The following EPHB1 variants were observed in gnomAD, a reference collection of about 807,000 sequenced individuals.
The protein encoded by EPHB1 is EPH receptor B1.
Under a neutral mutation model 94.4 loss-of-function variants are expected in EPHB1, and 30 were observed. That is an observed-to-expected ratio of 0.32 (90% CI 0.24 to 0.43). The LOEUF (loss-of-function observed/expected upper bound fraction) is 0.43, where lower values mean the gene tolerates loss of function less well. Among genes scored for constraint, EPHB1 ranks in the 20% least tolerant of loss-of-function variants. The pLI is 1.00. For synonymous variants in EPHB1, 522 were observed against 489.1 expected (o/e 1.07, Z -0.89); for missense variants, 1,055 against 1,308.3 (o/e 0.81, Z 2.99).
chr3:134,907,260 C>T (rs1386168277), intron 1 of EPHB1, among the ~76,000 whole-genome samples: 1 of 152,232 alleles, frequency 6.6e-6, no homozygotes, highest in Non-Finnish European at 1.5e-5. Flanking sequence ...GAACCTTTAT[C>T]TTTTGACTTC....
chr3:135,062,251 TTTAA>T, intron 3 of EPHB1, among the ~76,000 whole-genome samples: 1 of 152,336 alleles, frequency 6.6e-6, no homozygotes, highest in East Asian at 1.9e-4. Flanking sequence ...CTTTTAGTTA[TTTAA>T]GGAATCTCCA....
At chr3:134,876,030 A>G (rs2037609890) in intron 1 of EPHB1, among the ~76,000 whole-genome samples, 1 of 152,170 alleles carries the variant, frequency 6.6e-6, no homozygotes, top group African/African-American at 2.4e-5. Flanking sequence ...GTCGTGTGCT[A>G]GGTAGGGAGC....
intron 1 of EPHB1, among the ~76,000 whole-genome samples, chr3:134,858,599 C>A (rs968947410): frequency 3.3e-5 from 5 of 152,168 alleles, no homozygotes; most frequent in African/African-American, 1.2e-4. Context: ...GCTTATGTAA[C>A]CTGAGTGCCA....
intron 1 of EPHB1, among the ~76,000 whole-genome samples, chr3:134,904,980 T>A (rs1370293792): frequency 6.6e-6 from 1 of 152,136 alleles, no homozygotes; most frequent in Non-Finnish European, 1.5e-5. Context: ...GGACTGCACT[T>A]GGAGAGACAA....
At chr3:135,128,492 A>G (rs1410573431) in intron 4 of EPHB1, among the ~76,000 whole-genome samples, 1 of 152,208 alleles carries the variant, frequency 6.6e-6, no homozygotes, top group African/African-American at 2.4e-5. Flanking sequence ...TACGGCACAG[A>G]CACCTGGGGC....
chr3:135,076,232 G>A (rs1262052101), intron 3 of EPHB1, among the ~76,000 whole-genome samples: 1 of 27,612 alleles, frequency 3.6e-5, no homozygotes, highest in Non-Finnish European at 7.0e-5. Context: ...TATCTGAAAA[G>A]GGATATATAT....
chr3:134,965,545 G>T (rs1933707666), intron 3 of EPHB1, among the ~76,000 whole-genome samples: 1 of 152,158 alleles, frequency 6.6e-6, no homozygotes, highest in Non-Finnish European at 1.5e-5. Flanking sequence ...TCCCGCCTGG[G>T]TGACAGAGTG....
chr3:135,166,187 A>C (rs1396275613), intron 8 of EPHB1, 111 bp downstream of exon 8: 1 of 737,510 alleles, frequency 1.4e-6, no homozygotes. Flanking sequence ...GACCACAATC[A>C]TCACTCCATC....
chr3:135,119,695 C>T (rs573747046), intron 4 of EPHB1, among the ~76,000 whole-genome samples: 270 of 152,186 alleles, frequency 1.8e-3, no homozygotes, highest in Non-Finnish European at 2.9e-3. Flanking sequence ...CAAGTGATCC[C>T]CCTGTCTTGG....
intron 3 of EPHB1, among the ~76,000 whole-genome samples, chr3:135,015,422 A>G (rs545153122): frequency 2.0e-5 from 3 of 152,108 alleles, no homozygotes; most frequent in Non-Finnish European, 2.9e-5. Context: ...TAGCATTTTT[A>G]GTAGAGACGG....
intron 1 of EPHB1, among the ~76,000 whole-genome samples, chr3:134,849,308 G>C (rs1349716712): frequency 3.9e-5 from 6 of 152,220 alleles, no homozygotes; most frequent in African/African-American, 1.4e-4. Flanking sequence ...TGATGATGCT[G>C]GTCTGGAGAC....
intron 3 of EPHB1, among the ~76,000 whole-genome samples, chr3:135,051,019 G>T (rs1427801969): frequency 6.6e-6 from 1 of 151,998 alleles, no homozygotes; most frequent in South Asian, 2.1e-4. Context: ...AGAGAGAGGG[G>T]CACCCAAGTG....
At chr3:134,972,732 C>G (rs1399309455) in intron 3 of EPHB1, among the ~76,000 whole-genome samples, 22 of 152,048 alleles carry the variant, frequency 1.4e-4, no homozygotes, top group Admixed American at 1.4e-3. Context: ...TATACATGCA[C>G]AGGGACCAAG....
chr3:134,986,361 G>A (rs1934595508), intron 3 of EPHB1, among the ~76,000 whole-genome samples: 1 of 152,190 alleles, frequency 6.6e-6, no homozygotes, highest in Non-Finnish European at 1.5e-5. Flanking sequence ...GTCAAATGCA[G>A]CGTGGCATAG....
At chr3:134,807,191 G>C (rs1010211940) in intron 1 of EPHB1, among the ~76,000 whole-genome samples, 1 of 152,168 alleles carries the variant, frequency 6.6e-6, no homozygotes, top group Non-Finnish European at 1.5e-5. Context: ...CAGAGAGACC[G>C]AACTGCCAGC....
intron 12 of EPHB1, among the ~76,000 whole-genome samples, chr3:135,223,719 C>A (rs1943326458): frequency 6.6e-6 from 1 of 152,208 alleles, no homozygotes; most frequent in Non-Finnish European, 1.5e-5. Context: ...ATTGTTTGGT[C>A]AGATAACTCT....
At chr3:134,855,877 G>A (rs12489360) in intron 1 of EPHB1, among the ~76,000 whole-genome samples, 83,920 of 152,030 alleles carry the variant, frequency 0.55, 25,790 homozygotes, top group East Asian at 0.8. Flanking sequence ...CATTTAATCT[G>A]CAAGCAGCCC....
intron 3 of EPHB1, among the ~76,000 whole-genome samples, chr3:134,972,731 A>C (rs1934026781): frequency 6.6e-6 from 1 of 152,216 alleles, no homozygotes; most frequent in Non-Finnish European, 1.5e-5. Flanking sequence ...GTATACATGC[A>C]CAGGGACCAA....
intron 15 of EPHB1, among the ~76,000 whole-genome samples, chr3:135,252,031 A>AATT: frequency 6.6e-6 from 1 of 152,198 alleles, no homozygotes; most frequent in South Asian, 2.1e-4. Flanking sequence ...ATAATTTATA[A>AATT]ATTATTATAA....
Sources: gnomAD v4.1 joint callset for allele counts (sites outside exome capture counted in the v4.1 genomes callset) on GRCh38, gnomAD v4.1.1 for gene constraint, MANE v1.5 for transcripts, NCBI Gene and HGNC (gene_info 2026-07-23, HGNC 2026-07-21) for gene names.